The following GALNT14 variants were observed in gnomAD, a reference collection of about 807,000 sequenced individuals.
The protein encoded by GALNT14 is UDP-GalNAc:polypeptide N-acetylgalactosaminyltransferase 14.
GALNT14 carries 60 observed loss-of-function variants against 77.5 expected under a neutral mutation model. The ratio of observed to expected loss-of-function variants is 0.77; its 90% CI spans 0.63 to 0.96. The LOEUF is 0.96. Ranked by LOEUF, GALNT14 falls within the 40% of genes least tolerant of loss-of-function variation. GALNT14 has a pLI of 0.00. For synonymous variants in GALNT14, 280 were observed against 281.7 expected (o/e 0.99, Z 0.06); for missense variants, 710 against 731.0 (o/e 0.97, Z 0.33).
At chr2:30,903,187 T>A in the GALNT14 span, among the ~76,000 whole-genome samples, 1 of 152,178 alleles carries the variant, frequency 6.6e-6, no homozygotes, top group Admixed American at 6.5e-5. Flanking sequence ...CAGTCTGCGG[T>A]AATGGATTTT....
intron 1 of GALNT14, among the ~76,000 whole-genome samples, chr2:31,124,366 G>A (rs936963807): frequency 1.3e-5 from 2 of 152,186 alleles, no homozygotes; most frequent in African/African-American, 2.4e-5. Flanking sequence ...AGGCTGAGGG[G>A]AAGAAGAGAA....
intron 8 of GALNT14, 148 bp downstream of exon 8, chr2:30,944,710 T>C: frequency 1.7e-6 from 1 of 584,748 alleles, no homozygotes. Context: ...AGAAACCTCC[T>C]AAAATAAAGG....
intron 13 of GALNT14, among the ~76,000 whole-genome samples, chr2:30,917,882 T>C (rs1664778497): frequency 6.6e-6 from 1 of 152,200 alleles, no homozygotes; most frequent in African/African-American, 2.4e-5. Context: ...CCCTGAGACA[T>C]AGCCTTGAAG....
intron 6 of GALNT14, among the ~76,000 whole-genome samples, chr2:30,952,255 A>C (rs1452078904): frequency 6.6e-6 from 1 of 152,242 alleles, no homozygotes; most frequent in Non-Finnish European, 1.5e-5. Flanking sequence ...ATGTCTTTGC[A>C]TGATAGAATT....
intron 1 of GALNT14, among the ~76,000 whole-genome samples, chr2:31,120,012 C>G (rs893023771): frequency 8.1e-6 from 1 of 123,636 alleles, no homozygotes; most frequent in African/African-American, 2.6e-5. Context: ...AAAAATTAGC[C>G]GGGCGTGGTA....
At chr2:31,017,532 G>A (rs770323173) in intron 1 of GALNT14, among the ~76,000 whole-genome samples, 1 of 152,166 alleles carries the variant, frequency 6.6e-6, no homozygotes, top group Non-Finnish European at 1.5e-5. Context: ...GAAGTAAAGG[G>A]TTTAAAGACT....
At chr2:31,054,461 G>A (rs1004284785) in intron 1 of GALNT14, among the ~76,000 whole-genome samples, 3 of 152,068 alleles carry the variant, frequency 2.0e-5, no homozygotes, top group African/African-American at 4.8e-5. Context: ...CCATGTCTGG[G>A]CTTTTCTTGT....
chr2:31,122,886 A>G (rs1010853728), intron 1 of GALNT14, among the ~76,000 whole-genome samples: 2 of 152,224 alleles, frequency 1.3e-5, no homozygotes, highest in Admixed American at 6.5e-5. Flanking sequence ...TTCGGCTCCA[A>G]TAAAACTTTA....
At chr2:31,076,042 C>G (rs1372863424) in intron 1 of GALNT14, among the ~76,000 whole-genome samples, 1 of 152,222 alleles carries the variant, frequency 6.6e-6, no homozygotes, top group African/African-American at 2.4e-5. Flanking sequence ...TGGTCAGAAG[C>G]TGTCTTAACT....
intron 1 of GALNT14, among the ~76,000 whole-genome samples, chr2:31,007,279 C>A (rs1670738973): frequency 6.6e-6 from 1 of 152,166 alleles, no homozygotes; most frequent in Non-Finnish European, 1.5e-5. Flanking sequence ...CATGCCTGAT[C>A]TCAACACTGG....
chr2:30,995,099 G>C (rs905815100), intron 1 of GALNT14, among the ~76,000 whole-genome samples: 1 of 151,580 alleles, frequency 6.6e-6, no homozygotes, highest in African/African-American at 2.4e-5. Flanking sequence ...CAGTATATTA[G>C]TCAGGGTCCT....
At chr2:31,112,280 C>A (rs1037341918) in intron 1 of GALNT14, among the ~76,000 whole-genome samples, 2 of 152,232 alleles carry the variant, frequency 1.3e-5, no homozygotes, top group African/African-American at 2.4e-5. Context: ...AAAACCTGTG[C>A]TTGCCAACAA....
chr2:30,948,459 T>C (rs4487125), intron 6 of GALNT14, among the ~76,000 whole-genome samples: 2,090 of 152,330 alleles, frequency 0.014, 126 homozygotes, highest in Admixed American at 0.1. Flanking sequence ...CCAACTCAAC[T>C]TGACCTCTGA....
In GALNT14 at chr2:30,924,123, G is replaced by A; in HGVS notation, c.1376C>T (p.Ser459Phe). Reference protein sequence around the residue: ...CAKVKGEDAKSQVWAFTYTQQ... With the variant: ...CAKVKGEDAKFQVWAFTYTQQ... ...ATGCCCAGCCAGTTACTTTACCTGG[G>A]ACTTTGCATCTTCGCCTTTGACCTT... The change falls in exon 13 of 15, where the codon TCC becomes TTC. Residue 459 changes from serine to phenylalanine, a missense_variant. Ser to Phe is a radical substitution (Grantham distance 155). Transcript: ENST00000349752. 7 of 1,614,214 alleles carry A rather than the reference G, an allele frequency of 4.3e-6. No homozygotes were observed. Among genetic ancestry groups the A allele is most frequent in the Non-Finnish European group, 5.1e-6 (6 of 1,180,044 alleles).
chr2:30,910,171 T>C (rs1164710652), downstream of GALNT14, among the ~76,000 whole-genome samples: 1 of 151,706 alleles, frequency 6.6e-6, no homozygotes, highest in African/African-American at 2.4e-5. Flanking sequence ...GTAACTAACC[T>C]GCACAATGTG....
At chr2:30,993,065 G>A (rs374620404) in intron 1 of GALNT14, 58 bp from the exon 2 acceptor site, 45 of 1,572,600 alleles carry the variant, frequency 2.9e-5, no homozygotes, top group East Asian at 1.4e-4. Flanking sequence ...ACTAGCCCCC[G>A]TCTGCCTATC....
intron 3 of GALNT14, among the ~76,000 whole-genome samples, chr2:30,958,940 A>C (rs1338890526): frequency 1.3e-5 from 2 of 152,162 alleles, no homozygotes; most frequent in African/African-American, 2.4e-5. Context: ...CAATGCAAAT[A>C]AATAAACTGA....
In GALNT14 at chr2:30,988,198, C is replaced by T. The variant is rs957948686; in HGVS notation, c.299+4640G>A. 3.3e-5 allele frequency among the ~76,000 whole-genome samples: 5 copies of T among 152,166 alleles called. 1 individual carries two copies. The highest frequency in any genetic ancestry group is 6.5e-5 in the Admixed American group (1 of 15,284). On this transcript the variant is annotated intron_variant, in intron 2 of 14. Transcript: ENST00000349752. ...ACATTTATTGAATTCCTATCACACA[C>T]AAGGAAAGCACTGTAGGAGATGCTC...
chr2:31,002,639 C>T lies in GALNT14; in HGVS notation c.130-9632G>A, dbSNP rs777723686. Among the ~76,000 whole-genome samples, 6 of 152,130 alleles carry T rather than the reference C, an allele frequency of 3.9e-5. No homozygotes were observed. In the South Asian group the frequency reaches 1.2e-3, roughly 32 times the overall value. On this transcript the variant is annotated intron_variant, in intron 1 of 14. Coordinates refer to ENST00000349752, the MANE Select transcript of GALNT14 (RefSeq NM_024572.4). ...GGGAGTGACTATATTTTTCCAAGGG[C>T]CAGCCAAGAGAGGGAGACGGTGCAA...
Sources: allele counts gnomAD v4.1 joint callset (sites outside exome capture counted in the v4.1 genomes callset), GRCh38; gene constraint gnomAD v4.1.1; transcripts MANE v1.5; gene names NCBI Gene and HGNC (gene_info 2026-07-23, HGNC 2026-07-21).